SLC9A9: variants seen among roughly 807,000 people sequenced by gnomAD.
SLC9A9 encodes sodium/hydrogen exchanger 9.
SLC9A9 carries 62 observed loss-of-function variants against 77.8 expected under a neutral mutation model. The observed-to-expected ratio is 0.80, with a 90% CI of 0.65 to 0.98. The LOEUF is 0.98. SLC9A9 is among the 50% of genes least tolerant of loss of function. The pLI is 0.00. For missense variants in SLC9A9, 775 were observed against 774.9 expected (o/e 1.00, Z 0.00); for synonymous variants, 320 against 283.5 (o/e 1.13, Z -1.29).
chr3:143,834,300 C>T (rs1306667948), intron 1 of SLC9A9, among the ~76,000 whole-genome samples: 8 of 152,182 alleles, frequency 5.3e-5, no homozygotes, highest in Middle Eastern at 3.4e-3. Flanking sequence ...TGTTGAATGA[C>T]GACAATAAAA....
At chr3:143,768,945 GC>G (rs1365776937) in intron 4 of SLC9A9, among the ~76,000 whole-genome samples, 1 of 152,176 alleles carries the variant, frequency 6.6e-6, no homozygotes, top group African/African-American at 2.4e-5. Context: ...AAAAGGTTAA[GC>G]ATGGCATAGT....
chr3:143,842,264 C>G (rs1360336328), intron 1 of SLC9A9, among the ~76,000 whole-genome samples: 2 of 152,032 alleles, frequency 1.3e-5, no homozygotes, highest in East Asian at 1.9e-4. Flanking sequence ...GCCTGTAGTC[C>G]CAACTACTCA....
intron 2 of SLC9A9, among the ~76,000 whole-genome samples, chr3:143,818,230 C>A (rs2009071772): frequency 6.6e-6 from 1 of 152,002 alleles, no homozygotes; most frequent in African/African-American, 2.4e-5. Flanking sequence ...TTTAAATTAT[C>A]TTTTAAAGAT....
At chr3:143,671,455 A>G (rs182826592) in intron 5 of SLC9A9, among the ~76,000 whole-genome samples, 45 of 152,266 alleles carry the variant, frequency 3.0e-4, no homozygotes, top group African/African-American at 1.1e-3. Context: ...CTGCACCTCA[A>G]TTATTTCACC....
chr3:143,436,564 C>T (rs1470380831), intron 12 of SLC9A9, among the ~76,000 whole-genome samples: 1 of 152,250 alleles, frequency 6.6e-6, no homozygotes, highest in Non-Finnish European at 1.5e-5. Flanking sequence ...GAGGCAAAGT[C>T]TTGCCTTCTT....
intron 4 of SLC9A9, among the ~76,000 whole-genome samples, chr3:143,758,383 A>C (rs148790490): frequency 6.6e-6 from 1 of 152,170 alleles, no homozygotes; most frequent in South Asian, 2.1e-4. Flanking sequence ...TCTGGCATCA[A>C]TTCTCAAAAT....
At position 143,493,661 on chromosome 3, in the gene SLC9A9, A is replaced by T; in HGVS notation, c.1307T>A (p.Met436Lys). 6.2e-7 allele frequency: 1 copy of T among 1,612,848 alleles called. No homozygotes were observed. ...KIPWNFQHMM[M>K]FSGLRGAIAF... is the part of the protein sequence containing the mutation. ...TAACATAGTTCACATACCTGAAAAC[A>T]TCATCATGTGCTGAAAGTTCCAGGG... The change falls in exon 11 of 16, where the codon ATG (methionine) becomes AAG (lysine). Residue 436 changes from methionine to lysine, a missense_variant. By Grantham distance (95) the Met-to-Lys change is moderately conservative. Coordinates refer to ENST00000316549, the MANE Select transcript of SLC9A9 (RefSeq NM_173653.4).
At chr3:143,416,916 G>A (rs2034205633) in intron 12 of SLC9A9, among the ~76,000 whole-genome samples, 1 of 152,184 alleles carries the variant, frequency 6.6e-6, no homozygotes, top group Non-Finnish European at 1.5e-5. Context: ...CATCATAGGA[G>A]CTAGACTGAA....
At chr3:143,721,525 T>C (rs9819844) in intron 4 of SLC9A9, among the ~76,000 whole-genome samples, 112,367 of 151,864 alleles carry the variant, frequency 0.74, 42,335 homozygotes, top group East Asian at 1. Context: ...TCTGGAGACG[T>C]GGTCATCAAG....
Position 143,507,185 on chromosome 3 carries a change from C to A in SLC9A9, c.1090-11737G>T, listed in dbSNP as rs111427157. On this transcript the variant is annotated intron_variant, in intron 9 of 15. Coordinates refer to ENST00000316549, the MANE Select transcript of SLC9A9 (RefSeq NM_173653.4). Reference sequence around the variant, plus strand: ...ATCCCGACACATGTACAGCCTCTCTCATTATTATTATCATTATTATTATTA... The same window carrying A: ...ATCCCGACACATGTACAGCCTCTCTAATTATTATTATCATTATTATTATTA... Among the ~76,000 whole-genome samples, 1,322 of 151,668 alleles carry A rather than the reference C, an allele frequency of 8.7e-3. 16 individuals carry two copies. Among genetic ancestry groups the A allele is most frequent in the African/African-American group, 0.03 (1,226 of 41,372 alleles).
chr3:143,576,182 C>T (rs1200446498), intron 7 of SLC9A9, among the ~76,000 whole-genome samples: 2 of 152,228 alleles, frequency 1.3e-5, no homozygotes, highest in African/African-American at 4.8e-5. Flanking sequence ...CCTGAAATGT[C>T]CTAGTTGTTT....
chr3:143,638,973 G>A (rs572022195), intron 6 of SLC9A9, among the ~76,000 whole-genome samples: 90 of 152,226 alleles, frequency 5.9e-4, no homozygotes, highest in African/African-American at 2.1e-3. Flanking sequence ...TATTGATTTG[G>A]CCCCTTGTTC....
intron 4 of SLC9A9, among the ~76,000 whole-genome samples, chr3:143,762,093 A>G (rs2007145783): frequency 6.6e-6 from 1 of 152,294 alleles, no homozygotes; most frequent in East Asian, 1.9e-4. Flanking sequence ...TTGCAAGGAC[A>G]AAAAACCAAA....
At chr3:143,832,749 A>G (rs60542095) in intron 1 of SLC9A9, among the ~76,000 whole-genome samples, 2,480 of 150,530 alleles carry the variant, frequency 0.016, 66 homozygotes, top group African/African-American at 0.058. Flanking sequence ...ATCTGTGACC[A>G]TAAGTAGATC....
chr3:143,321,560 C>T (rs2108446386), intron 14 of SLC9A9, among the ~76,000 whole-genome samples: 1 of 152,260 alleles, frequency 6.6e-6, no homozygotes, highest in South Asian at 2.1e-4. Flanking sequence ...TTGTGTTCTA[C>T]TTTGTGTGGT....
chr3:143,578,558 A>G (rs747672356), intron 7 of SLC9A9, 27 bp downstream of exon 7: 1 of 1,613,710 alleles, frequency 6.2e-7, no homozygotes, highest in Non-Finnish European at 8.5e-7. Context: ...TGACAGTCCC[A>G]GCTTTCCACA....
chr3:143,615,762 C>T (rs1293873764), intron 6 of SLC9A9, among the ~76,000 whole-genome samples: 1 of 152,102 alleles, frequency 6.6e-6, no homozygotes, highest in Admixed American at 6.5e-5. Flanking sequence ...ATATGATTAT[C>T]CTCATTTTAT....
At chr3:143,518,247 C>T (rs1011088053) in intron 9 of SLC9A9, 17 of 1,581,686 alleles carry the variant, frequency 1.1e-5, no homozygotes, top group South Asian at 6.6e-5. Context: ...AGGTGGTGGG[C>T]GAAGCTCAGG....
intron 5 of SLC9A9, among the ~76,000 whole-genome samples, chr3:143,658,192 A>G (rs1419720820): frequency 6.6e-6 from 1 of 152,194 alleles, no homozygotes; most frequent in East Asian, 1.9e-4. Flanking sequence ...TGATAGATAC[A>G]CCTCACATAA....
Sources: gnomAD v4.1 joint callset for allele counts (sites outside exome capture counted in the v4.1 genomes callset) on GRCh38, gnomAD v4.1.1 for gene constraint, MANE v1.5 for transcripts, NCBI Gene and HGNC (gene_info 2026-07-23, HGNC 2026-07-21) for gene names.